SGCD: variants seen among roughly 807,000 people sequenced by gnomAD.
SGCD encodes sarcoglycan delta, also known as delta-sarcoglycan.
Under a neutral mutation model 36.6 loss-of-function variants are expected in SGCD, and 18 were observed. The ratio of observed to expected loss-of-function variants is 0.49; its 90% confidence interval spans 0.34 to 0.73. SGCD has a LOEUF of 0.73. Ranked by LOEUF, SGCD falls within the 30% of genes least tolerant of loss-of-function variation. The pLI, the probability that SGCD is intolerant of heterozygous loss-of-function variation, is 0.01. For synonymous variants in SGCD, 133 were observed against 130.6 expected, an observed-to-expected ratio of 1.02 and a Z score of -0.12; for missense variants, 387 against 346.7, an observed-to-expected ratio of 1.12 and a Z score of -0.92.
At chr5:155,840,846 T>C in the SGCD span, among the ~76,000 whole-genome samples, 1 of 151,484 alleles carries the variant, frequency 6.6e-6, no homozygotes, top group African/African-American at 2.4e-5. Flanking sequence ...ACCCTGTCTC[T>C]ACTGAAAATA....
At chr5:156,462,847 A>G (rs900292760) in intron 3 of SGCD, among the ~76,000 whole-genome samples, 1 of 152,164 alleles carries the variant, frequency 6.6e-6, no homozygotes, top group Non-Finnish European at 1.5e-5. Context: ...GCACCACCCT[A>G]ATAGAATTGT....
intron 3 of SGCD, among the ~76,000 whole-genome samples, chr5:156,368,732 G>A (rs1770236172): frequency 6.6e-6 from 1 of 152,128 alleles, no homozygotes. Context: ...GCACACATGA[G>A]GGATCTAGGT....
Position 156,727,675 on chromosome 5 carries a change from TTCTG to T in SGCD, c.576-29902_576-29899del, listed in dbSNP as rs562745582. Among the ~76,000 whole-genome samples the T allele has an allele frequency of 1.7e-4, 22 of 127,218 alleles. No individual in the cohort carries two copies. In the East Asian group the frequency reaches 5.0e-3, roughly 29 times the overall value. 83.5% of individuals were successfully genotyped at this position (127,218 alleles called of 152,430 possible). The stretch of plus-strand genomic sequence containing the variant: ...ACTGTGAAGTTAGATCTGGGTTTTT[TTCTG>T]TCTATCTTGGTTTCTTCATAAATGA... On this transcript the variant is annotated intron_variant, in intron 7 of 8. Transcript: ENST00000337851.
intron 1 of SGCD, among the ~76,000 whole-genome samples, chr5:156,075,625 G>T (rs190663256): frequency 9.9e-5 from 15 of 152,282 alleles, no homozygotes; most frequent in Admixed American, 4.6e-4. Flanking sequence ...TGACAGTGGG[G>T]TCCTGATGGA....
intron 3 of SGCD, among the ~76,000 whole-genome samples, chr5:156,158,651 C>T (rs534083030): frequency 4.0e-5 from 6 of 151,638 alleles, no homozygotes; most frequent in Admixed American, 6.6e-5. Context: ...ACAAGCCTTC[C>T]GGGGTACTCA....
At position 156,634,458 on chromosome 5, in the gene SGCD, G is replaced by GCAA. The variant is rs369295537; in HGVS notation, c.503-12984_503-12982dup. Among the ~76,000 whole-genome samples the GCAA allele has an allele frequency of 2.3e-3, 346 of 151,926 alleles. 8 individuals carry two copies. In the East Asian group the frequency reaches 0.047, roughly 21 times the overall value. ...CTTGAAGAAAAAACAAAGGAAAACA[G>GCAA]CAACAACAACAACAACAACAACAAA... On this transcript the variant is annotated intron_variant, in intron 6 of 8. Transcript: ENST00000337851.
Position 156,250,844 on chromosome 5 carries a change from A to C in SGCD, c.-43-78690A>C, listed in dbSNP as rs12516472. ...GATGGAAAATAAAGCATATCTGAAA[A>C]TGCTGTGTAAGTCTGTAGGGAAAGT... On this transcript the variant is annotated intron_variant, in intron 3 of 9. Transcript: ENST00000517913. 4.1e-3 allele frequency among the ~76,000 whole-genome samples: 619 copies of C among 152,348 alleles called. 2 individuals are homozygous for C. Among genetic ancestry groups the C allele is most frequent in the Middle Eastern group, 0.014 (4 of 294 alleles).
intron 3 of SGCD, among the ~76,000 whole-genome samples, chr5:156,349,895 A>C (rs907861282): frequency 6.6e-6 from 1 of 152,098 alleles, no homozygotes; most frequent in Non-Finnish European, 1.5e-5. Flanking sequence ...TACATACACC[A>C]TCAGCCATAA....
chr5:156,431,492 G>T (rs1319092074), intron 3 of SGCD, among the ~76,000 whole-genome samples: 1 of 152,038 alleles, frequency 6.6e-6, no homozygotes, highest in Non-Finnish European at 1.5e-5. Flanking sequence ...AATCAGAGAG[G>T]CTGCCTGCCT....
At chr5:156,286,777 A>G (rs916448090) in intron 3 of SGCD, among the ~76,000 whole-genome samples, 1 of 152,156 alleles carries the variant, frequency 6.6e-6, no homozygotes, top group Admixed American at 6.6e-5. Context: ...TACATATGTA[A>G]CAAACCTGCA....
At chr5:156,607,448 C>G (rs1331082318) in intron 6 of SGCD, among the ~76,000 whole-genome samples, 1 of 152,112 alleles carries the variant, frequency 6.6e-6, no homozygotes, top group Non-Finnish European at 1.5e-5. Flanking sequence ...ATTGCTTTGC[C>G]AGTATTTTAT....
chr5:156,163,905 C>T (rs1763149566), intron 3 of SGCD, among the ~76,000 whole-genome samples: 1 of 150,756 alleles, frequency 6.6e-6, no homozygotes, highest in South Asian at 2.1e-4. Context: ...CGCCTGTAGT[C>T]CCAGCTACTC....
chr5:156,572,864 T>C (rs1033348957), intron 4 of SGCD, among the ~76,000 whole-genome samples: 8 of 152,298 alleles, frequency 5.3e-5, no homozygotes, highest in Admixed American at 3.3e-4. Context: ...CCTGTGAGAA[T>C]TGACCTTCCT....
chr5:156,536,608 T>C (rs1232316777), intron 4 of SGCD, among the ~76,000 whole-genome samples: 2 of 151,596 alleles, frequency 1.3e-5, no homozygotes, highest in East Asian at 3.8e-4. Flanking sequence ...TGTTTGTTTG[T>C]TTGTTTGTTT....
upstream of SGCD, among the ~76,000 whole-genome samples, chr5:155,867,002 TAAAG>T (rs2113265362): frequency 6.6e-6 from 1 of 152,146 alleles, no homozygotes; most frequent in African/African-American, 2.4e-5. Flanking sequence ...GGCAAATAAA[TAAAG>T]AAAAGACTCA....
chr5:156,299,943 C>T (rs1767009199), intron 3 of SGCD, among the ~76,000 whole-genome samples: 2 of 151,936 alleles, frequency 1.3e-5, no homozygotes, highest in African/African-American at 4.8e-5. Context: ...TGTCTGGTTG[C>T]TCTAGCTAGG....
At chr5:156,437,837 G>T (rs182158915) in intron 3 of SGCD, among the ~76,000 whole-genome samples, 196 of 152,294 alleles carry the variant, frequency 1.3e-3, no homozygotes, top group South Asian at 7.3e-3. Flanking sequence ...GGAAATGATA[G>T]CCAAGTTCAA....
intron 1 of SGCD, among the ~76,000 whole-genome samples, chr5:156,075,203 T>G (rs185110025): frequency 6.9e-6 from 1 of 145,440 alleles, no homozygotes; most frequent in African/African-American, 2.5e-5. Context: ...AAAAAAAAAA[T>G]GCAGAAAGTG....
At chr5:156,171,060 T>C (rs761450366) in intron 3 of SGCD, among the ~76,000 whole-genome samples, 7 of 152,218 alleles carry the variant, frequency 4.6e-5, no homozygotes, top group Non-Finnish European at 8.8e-5. Flanking sequence ...GATTTTTTTT[T>C]CTCACATTAA....
Sources: allele counts gnomAD v4.1 joint callset (sites outside exome capture counted in the v4.1 genomes callset), GRCh38; gene constraint gnomAD v4.1.1; transcripts MANE v1.5; gene names NCBI Gene and HGNC (gene_info 2026-07-23, HGNC 2026-07-21).